The following SP140L variants were observed in gnomAD, a reference collection of about 807,000 sequenced individuals.
SP140L encodes the protein nuclear body protein SP140-like protein.
SP140L carries 64 observed loss-of-function variants against 84.3 expected under a neutral mutation model. The ratio of observed to expected loss-of-function variants is 0.76; its 90% confidence interval spans 0.62 to 0.94. The LOEUF is 0.94. Ranked by LOEUF, SP140L falls within the 40% of genes least tolerant of loss-of-function variation. The probability of loss-of-function intolerance (pLI) is 0.00; values close to 1 mark genes in which losing one functional copy is unlikely to be tolerated. For synonymous variants in SP140L, 242 were observed against 236.9 expected (o/e 1.02, Z -0.20); for missense variants, 628 against 692.5 (o/e 0.91, Z 1.05).
chr2:230,393,534 G>A, intron 13 of SP140L, 73 bp downstream of exon 13: 3 of 1,454,870 alleles, frequency 2.1e-6, no homozygotes, highest in Non-Finnish European at 1.8e-6. Context: ...TTATTTTATG[G>A]AGTCTCCAAT....
At chr2:230,360,613 A>G (rs2060684241) in intron 4 of SP140L, among the ~76,000 whole-genome samples, 1 of 152,186 alleles carries the variant, frequency 6.6e-6, no homozygotes, top group Admixed American at 6.5e-5. Context: ...TACTGCCCAC[A>G]TTCTCAGGGG....
chr2:230,392,509 A>T (rs1032733938), intron 12 of SP140L, among the ~76,000 whole-genome samples: 2 of 152,194 alleles, frequency 1.3e-5, no homozygotes, highest in Admixed American at 6.5e-5. Context: ...TGCACTGAGA[A>T]AAAGAAGAGA....
intron 2 of SP140L, among the ~76,000 whole-genome samples, chr2:230,345,311 A>G (rs2060175939): frequency 6.6e-6 from 1 of 152,206 alleles, no homozygotes; most frequent in Non-Finnish European, 1.5e-5. Flanking sequence ...ACATAAAGAT[A>G]GTTACCACTG....
chr2:230,396,695 T>C, intron 13 of SP140L, 62 bp from the exon 14 acceptor site: 1 of 1,574,920 alleles, frequency 6.3e-7, no homozygotes, highest in Non-Finnish European at 8.7e-7. Flanking sequence ...TAAATTTAAG[T>C]AAGTGATAGA....
chr2:230,362,378 A>G (rs2060745523), intron 5 of SP140L, among the ~76,000 whole-genome samples: 1 of 152,188 alleles, frequency 6.6e-6, no homozygotes, highest in Non-Finnish European at 1.5e-5. Context: ...ATTATATCAC[A>G]GGAGATAATT....
At chr2:230,384,374 T>G (rs183325386) in intron 8 of SP140L, among the ~76,000 whole-genome samples, 211 of 152,314 alleles carry the variant, frequency 1.4e-3, no homozygotes, top group African/African-American at 4.9e-3. Context: ...ATGTTATTTA[T>G]TTTAGTCATG....
intron 2 of SP140L, among the ~76,000 whole-genome samples, chr2:230,346,724 G>T (rs939358770): frequency 1.3e-5 from 2 of 151,954 alleles, no homozygotes; most frequent in African/African-American, 4.8e-5. Flanking sequence ...TAGGATTTCT[G>T]GGGGTTTGTT....
At chr2:230,400,547 G>GA (rs995135949) in intron 15 of SP140L, 65 of 468,968 alleles carry the variant, frequency 1.4e-4, no homozygotes, top group East Asian at 2.5e-4. Flanking sequence ...GGGGGTTGAG[G>GA]AAAAAAAACA....
chr2:230,402,466 A>T (rs1237622974), intron 18 of SP140L, among the ~76,000 whole-genome samples: 1 of 152,244 alleles, frequency 6.6e-6, no homozygotes, highest in South Asian at 2.1e-4. Context: ...AATCTGGTTA[A>T]TGTTACTTAG....
intron 2 of SP140L, among the ~76,000 whole-genome samples, chr2:230,342,543 G>T (rs988431162): frequency 1.1e-4 from 16 of 151,402 alleles, no homozygotes; most frequent in African/African-American, 3.9e-4. Context: ...TAATGGAAAG[G>T]TTTTTTTTTC....
chr2:230,388,578 T>C lies in SP140L; in HGVS notation c.804T>C (p.Pro268=), dbSNP rs1329722952. 1 of 1,609,208 alleles carries C rather than the reference T, an allele frequency of 6.2e-7. No homozygotes were observed. The highest frequency in any genetic ancestry group is 1.1e-5 in the South Asian group (1 of 90,110). The change falls in exon 10 of 19, where the codon CCT becomes CCC. Residue 268 remains proline, a synonymous_variant. Coordinates refer to ENST00000415673, the MANE Select transcript of SP140L (RefSeq NM_138402.6). The part of the protein sequence containing the change: ...SKIRGRKRGK[P]GTHFTQSDRA... The stretch of plus-strand genomic sequence containing the variant: ...TCTCAGGGAGAAAGAGAGGCAAACC[T>C]GGAACCCACTTTACTCAGAGTGACA...
Position 230,403,162 on chromosome 2 carries a change from G to A in SP140L, c.*266G>A. 5.4e-6 allele frequency: 2 copies of A among 373,304 alleles called. No homozygotes were observed. Among genetic ancestry groups the A allele is most frequent in the Non-Finnish European group, 9.5e-6 (2 of 209,846 alleles). 23.1% of individuals were successfully genotyped at this position (373,304 alleles called of 1,614,324 possible). A position where few individuals can be genotyped will look rare whatever the true frequency, so the allele number is the denominator to read the frequency against. The stretch of plus-strand genomic sequence containing the variant: ...CAGACAGACTCTCACCTCTTCTCCT[G>A]AGGTCTGCTCCAGACAACATTTATT... On this transcript the variant is annotated 3_prime_UTR_variant, in exon 19 of 19. Transcript: ENST00000415673.
intron 5 of SP140L, among the ~76,000 whole-genome samples, chr2:230,365,223 T>A (rs1480329364): frequency 1.3e-5 from 2 of 152,068 alleles, no homozygotes; most frequent in Non-Finnish European, 2.9e-5. Context: ...GTTTGAAAAG[T>A]ATCAGTATTT....
chr2:230,394,356 T>C (rs1445833573), intron 13 of SP140L, among the ~76,000 whole-genome samples: 3 of 152,170 alleles, frequency 2.0e-5, no homozygotes, highest in Non-Finnish European at 4.4e-5. Context: ...CAGGTAGAAA[T>C]ATGCATTCAA....
chr2:230,345,749 A>G lies in SP140L; in HGVS notation c.108-12056A>G, dbSNP rs112753405. Among the ~76,000 whole-genome samples the G allele has an allele frequency of 1.7e-3, 256 of 152,252 alleles. 4 individuals carry two copies. The highest frequency in any genetic ancestry group is 5.6e-3 in the African/African-American group (232 of 41,554). On this transcript the variant is annotated intron_variant, in intron 2 of 18. Coordinates refer to ENST00000415673, the MANE Select transcript of SP140L (RefSeq NM_138402.6). Reference sequence around the variant, plus strand: ...TAAGCTAACAACTTCAACCACATATAAAACTCTACACTTTTGTTTCTCTCC... The same window carrying G: ...TAAGCTAACAACTTCAACCACATATGAAACTCTACACTTTTGTTTCTCTCC...
At chr2:230,331,054 A>G (rs916817806) in intron 2 of SP140L, among the ~76,000 whole-genome samples, 1 of 152,172 alleles carries the variant, frequency 6.6e-6, no homozygotes, top group African/African-American at 2.4e-5. Context: ...CCCAAAGCAC[A>G]TGAGGATTGA....
chr2:230,382,951 G>A (rs2061456626), intron 7 of SP140L, among the ~76,000 whole-genome samples: 1 of 152,204 alleles, frequency 6.6e-6, no homozygotes, highest in African/African-American at 2.4e-5. Context: ...TGAGTTTCTG[G>A]GGTCACCATA....
intron 1 of SP140L, among the ~76,000 whole-genome samples, chr2:230,327,833 T>C (rs2059620633): frequency 6.6e-6 from 1 of 152,200 alleles, no homozygotes; most frequent in Non-Finnish European, 1.5e-5. Flanking sequence ...CAGTCAGCTT[T>C]GGGGCTATTT....
chr2:230,403,009 T>TC lies in SP140L; in HGVS notation c.*116dup, dbSNP rs913951447. 10 of 788,450 alleles carry TC rather than the reference T, an allele frequency of 1.3e-5. No individual in the cohort carries two copies. In the African/African-American group the frequency reaches 1.8e-4, roughly 14 times the overall value. 48.8% of individuals were successfully genotyped at this position (788,450 alleles called of 1,614,324 possible). On this transcript the variant is annotated 3_prime_UTR_variant, in exon 19 of 19. Coordinates refer to ENST00000415673, the MANE Select transcript of SP140L (RefSeq NM_138402.6). ...GCAGGGAGAGGCTTTTCTCTGAGCC[T>TC]CCCTCATCTGCCCAAAAACAAATCC...
Sources: gnomAD v4.1 joint callset for allele counts (sites outside exome capture counted in the v4.1 genomes callset) on GRCh38, gnomAD v4.1.1 for gene constraint, MANE v1.5 for transcripts, NCBI Gene and HGNC (gene_info 2026-07-23, HGNC 2026-07-21) for gene names.